The following CLUL1 variants were observed in gnomAD, a reference collection of about 807,000 sequenced individuals.
CLUL1 encodes clusterin like 1, also known as clusterin-like protein 1.
CLUL1 carries 43 observed loss-of-function variants against 49.4 expected under a neutral mutation model. The ratio of observed to expected loss-of-function variants is 0.87; its 90% CI spans 0.68 to 1.12. The LOEUF (loss-of-function observed/expected upper bound fraction) is 1.12, where lower values mean the gene tolerates loss of function less well. Among genes scored for constraint, CLUL1 ranks in the 50% most tolerant of loss-of-function variants. CLUL1 has a pLI of 0.00. For missense variants in CLUL1, 486 were observed against 544.4 expected (o/e 0.89, Z 1.07); for synonymous variants, 192 against 184.9 (o/e 1.04, Z -0.31).
At chr18:599,863 G>A (rs1424074514) in intron 1 of CLUL1, among the ~76,000 whole-genome samples, 1 of 151,784 alleles carries the variant, frequency 6.6e-6, no homozygotes, top group African/African-American at 2.4e-5. Flanking sequence ...CAGGAGAATG[G>A]TGTGAACCCG....
chr18:623,673 G>A lies in CLUL1; in HGVS notation c.256-1192G>A, dbSNP rs1051349071. 4.4e-4 allele frequency among the ~76,000 whole-genome samples: 60 copies of A among 136,368 alleles called. No individual in the cohort carries two copies. The Middle Eastern group carries it at 0.019, about 44-fold the overall frequency. The allele number at this position is 136,368 out of a possible 152,430, so 89.5% of individuals were successfully genotyped here. A position where few individuals can be genotyped will look rare whatever the true frequency, so the allele number is the denominator to read the frequency against. ...AAAAAAAAAAAAAAAAAAAAAAGAT[G>A]TAAGATTCCAAAATTGTTCTACAAA... On this transcript the variant is annotated intron_variant, in intron 4 of 9. Coordinates refer to ENST00000692774, the MANE Select transcript of CLUL1 (RefSeq NM_001393344.1).
chr18:628,272 C>T (rs1467884531), intron 6 of CLUL1, among the ~76,000 whole-genome samples: 1 of 152,200 alleles, frequency 6.6e-6, no homozygotes, highest in Admixed American at 6.5e-5. Context: ...TTAGTGCCCT[C>T]CTCTGAATCA....
intron 1 of CLUL1, among the ~76,000 whole-genome samples, chr18:604,148 T>C (rs2072906993): frequency 1.3e-5 from 2 of 152,254 alleles, no homozygotes; most frequent in Admixed American, 1.3e-4. Context: ...CCCAAAATGC[T>C]GGGAGTACAG....
intron 5 of CLUL1, 54 bp downstream of exon 5, chr18:625,086 CT>C: frequency 6.5e-7 from 1 of 1,546,796 alleles, no homozygotes. Flanking sequence ...CCTATTTCAG[CT>C]TACTTTTTTA....
At chr18:625,230 G>T (rs1247724949) in intron 5 of CLUL1, among the ~76,000 whole-genome samples, 198 bp downstream of exon 5, 1 of 151,998 alleles carries the variant, frequency 6.6e-6, no homozygotes, top group African/African-American at 2.4e-5. Context: ...CCCATTCAGT[G>T]GTCACTGAAT....
intron 9 of CLUL1, among the ~76,000 whole-genome samples, chr18:647,352 A>C (rs559726712): frequency 6.6e-6 from 1 of 152,068 alleles, no homozygotes; most frequent in Non-Finnish European, 1.5e-5. Context: ...GCCCTCTGTG[A>C]GTTTGAGTTC....
chr18:632,326 GTA>G (rs199704914), intron 6 of CLUL1, among the ~76,000 whole-genome samples: 1,417 of 123,218 alleles, frequency 0.011, 27 homozygotes, highest in African/African-American at 0.044. Context: ...ACATATGTGT[GTA>G]TATATATGTG....
At chr18:607,349 G>A (rs898521900) in intron 2 of CLUL1, among the ~76,000 whole-genome samples, 63 of 152,224 alleles carry the variant, frequency 4.1e-4, no homozygotes, top group African/African-American at 1.3e-3. Flanking sequence ...GGCAGGTCTC[G>A]AGCTCCTGAC....
chr18:618,221 G>A lies in CLUL1; in HGVS notation c.106+115G>A. 1.3e-6 allele frequency: 1 copy of A among 761,982 alleles called. No individual in the cohort carries two copies. Among genetic ancestry groups the A allele is most frequent in the Non-Finnish European group, 2.2e-6 (1 of 457,278 alleles). 47.2% of individuals were successfully genotyped at this position (761,982 alleles called of 1,614,324 possible). A position where few individuals can be genotyped will look rare whatever the true frequency, so the allele number is the denominator to read the frequency against. Reference sequence around the variant, plus strand: ...ATATTCGCTGTTTTCACGGTGAAACGTTCTCAAGGCGCTTAAACCAGGTCA... The same window carrying A: ...ATATTCGCTGTTTTCACGGTGAAACATTCTCAAGGCGCTTAAACCAGGTCA... On this transcript the variant is annotated intron_variant, in intron 3 of 9. Coordinates refer to ENST00000692774, the MANE Select transcript of CLUL1 (RefSeq NM_001393344.1). This position sits in a 1 kb window ranked among gnomAD's most constrained non-coding sequence, Gnocchi z 4.2.
At chr18:645,709 G>A (rs1224851774) in intron 9 of CLUL1, among the ~76,000 whole-genome samples, 20 of 146,662 alleles carry the variant, frequency 1.4e-4, no homozygotes, top group South Asian at 2.2e-4. Context: ...CAGGAGAATG[G>A]CGTGAACCCG....
chr18:619,886 T>C (rs2144012238), intron 4 of CLUL1, among the ~76,000 whole-genome samples: 1 of 152,054 alleles, frequency 6.6e-6, no homozygotes, highest in East Asian at 1.9e-4. Flanking sequence ...ATTTTTGTAT[T>C]TTTAGAAGAG....
chr18:641,461 A>G lies in CLUL1; in HGVS notation c.1129A>G (p.Lys377Glu). Residue 377 changes from lysine to glutamate, a missense_variant, in exon 8 of 10, where the codon AAG (lysine) becomes GAG (glutamate). Physicochemically the swap from Lys to Glu is moderately conservative, Grantham distance 56 (BLOSUM62 1). Coordinates refer to ENST00000692774, the MANE Select transcript of CLUL1 (RefSeq NM_001393344.1). ...GGAGGACACCGCCTATCTGGTGGAG[A>G]AGATGAGAGGGCAATTTGGCTGGGT... ...HLEDTAYLVE[K>E]MRGQFGWVSE... 1 of 1,614,194 alleles carries G rather than the reference A, an allele frequency of 6.2e-7. No homozygotes were observed. The highest frequency in any genetic ancestry group is 8.5e-7 in the Non-Finnish European group (1 of 1,180,046).
At chr18:601,054 C>T (rs914447273) in intron 1 of CLUL1, among the ~76,000 whole-genome samples, 3 of 152,168 alleles carry the variant, frequency 2.0e-5, no homozygotes, top group Admixed American at 6.5e-5. Flanking sequence ...TGGATTACTT[C>T]GTGCCTCAAA....
rs367819678 is a variant in CLUL1, at chr18:633,362, A to G, written c.921A>G (p.Glu307=). The stretch of plus-strand genomic sequence containing the variant: ...GGCAGGACAGAGGACTGTGTGGGGA[A>G]CTTGACCAGAATTTGTCAAGATGTT... ...LPGQDRGLCG[E]LDQNLSRCFK... is the part of the protein sequence containing the mutation. Residue 307 remains glutamate, a synonymous_variant, in exon 7 of 10, where the codon GAA becomes GAG. Transcript: ENST00000692774. The G allele has an allele frequency of 6.2e-5, 100 of 1,613,662 alleles. No homozygotes were observed. Among genetic ancestry groups the G allele is most frequent in the Non-Finnish European group, 7.7e-5 (91 of 1,179,712 alleles).
chr18:612,697 A>G (rs1051629102), intron 2 of CLUL1: 2 of 151,920 alleles, frequency 1.3e-5, no homozygotes, highest in African/African-American at 4.8e-5. Flanking sequence ...TTCCCACTTA[A>G]TTTTCTTCAT....
At chr18:642,546 T>TC (rs143791156) in intron 8 of CLUL1, among the ~76,000 whole-genome samples, 2 of 152,090 alleles carry the variant, frequency 1.3e-5, no homozygotes, top group African/African-American at 2.4e-5. Flanking sequence ...TCCTAAGACA[T>TC]CCCCCCTCCA....
rs182936690 is a variant in CLUL1 at position 644,846 on chromosome 18, T to C, written c.1210-64T>C. The C allele has an allele frequency of 5.4e-6, 7 of 1,300,816 alleles. No homozygotes were observed. The East Asian group carries it at 1.4e-4, about 27-fold the overall frequency. 80.6% of individuals were successfully genotyped at this position (1,300,816 alleles called of 1,614,324 possible). On this transcript the variant is annotated intron_variant, in intron 8 of 9. Transcript: ENST00000692774. ...CAGCCTATCCTGACTAAGGTGGTAT[T>C]AAATTACTATTGAATGTGTATTGGG...
intron 2 of CLUL1, among the ~76,000 whole-genome samples, chr18:611,570 G>A (rs2073136916): frequency 6.6e-6 from 1 of 151,986 alleles, no homozygotes; most frequent in Non-Finnish European, 1.5e-5. Context: ...TCAAGACCCT[G>A]TTTCTAGGGA....
chr18:646,897 A>G (rs2074524217), intron 9 of CLUL1, among the ~76,000 whole-genome samples: 1 of 151,692 alleles, frequency 6.6e-6, no homozygotes, highest in South Asian at 2.1e-4. Flanking sequence ...TTACAGGCGC[A>G]CACCACCATG....
Sources: allele counts gnomAD v4.1 joint callset (sites outside exome capture counted in the v4.1 genomes callset), GRCh38; gene constraint gnomAD v4.1.1; non-coding constraint Gnocchi (gnomAD v3.1); transcripts MANE v1.5; gene names NCBI Gene and HGNC (gene_info 2026-07-23, HGNC 2026-07-21).